DACH2: variants seen among roughly 807,000 people sequenced by gnomAD.
DACH2 encodes dachshund family transcription factor 2.
In DACH2, 17 loss-of-function variants were observed where a neutral mutation model predicts 35.8. The ratio of observed to expected loss-of-function variants is 0.48; its 90% CI spans 0.33 to 0.71. The LOEUF is 0.71. Ranked by LOEUF, DACH2 falls within the 30% of genes least tolerant of loss-of-function variation. The pLI is 0.02. For synonymous variants in DACH2, 195 were observed against 177.3 expected (o/e 1.10, Z -0.79); for missense variants, 469 against 472.7 (o/e 0.99, Z 0.07).
At chrX:86,466,303 A>G (rs772220521) in intron 2 of DACH2, among the ~76,000 whole-genome samples, 180 of 111,344 alleles carry the variant, frequency 1.6e-3, no homozygotes, top group Non-Finnish European at 2.8e-3. Context: ...CCCTCCCACA[A>G]CATGCAGGAA....
At chrX:86,311,818 T>G (rs2034806012) in intron 1 of DACH2, among the ~76,000 whole-genome samples, 1 of 111,356 alleles carries the variant, frequency 9.0e-6, no homozygotes, top group Non-Finnish European at 1.9e-5. Flanking sequence ...CTGGGGTGAT[T>G]GATGCAGACT....
At position 86,617,494 on chromosome X, in the gene DACH2, C is replaced by A. The variant is rs7881923; in HGVS notation, c.641-33542C>A. 3.5e-3 allele frequency among the ~76,000 whole-genome samples: 390 copies of A among 111,247 alleles called. 2 individuals are homozygous for A. Among genetic ancestry groups the A allele is most frequent in the African/African-American group, 0.012 (373 of 30,691 alleles). ...TTCTCATCGTTGAACTTTCTCCTCT[C>A]TGTTCAGCTGTATTCCTAGGTATTT... On this transcript the variant is annotated intron_variant, in intron 3 of 11. Transcript: ENST00000373125.
intron 1 of DACH2, among the ~76,000 whole-genome samples, chrX:86,333,937 T>TGA (rs1323238305): frequency 4.5e-5 from 5 of 111,171 alleles, no homozygotes. Context: ...CCCCAGTGTG[T>TGA]GAGGTTCCCC....
chrX:86,178,554 A>C (rs1168566307), intron 1 of DACH2, among the ~76,000 whole-genome samples: 1 of 111,029 alleles, frequency 9.0e-6, no homozygotes, highest in East Asian at 2.8e-4. Context: ...TATTTTAAGA[A>C]AATCTATTGC....
Position 86,832,290 on chromosome X carries a change from T to C in DACH2, c.*135T>C. 1.9e-6 allele frequency: 1 copy of C among 520,542 alleles called. No homozygotes were observed. Among genetic ancestry groups the C allele is most frequent in the Non-Finnish European group, 3.2e-6 (1 of 317,203 alleles). The allele number at this position is 520,542 out of a possible 1,213,427, so 42.9% of individuals were successfully genotyped here. On this transcript the variant is annotated 3_prime_UTR_variant, in exon 12 of 12. Coordinates refer to ENST00000373125, the MANE Select transcript of DACH2 (RefSeq NM_053281.3). ...ACTGAAGGAGCTATTTAATCTATGT[T>C]ACATTAAAAAAGAAACGCGTGTACA... is the stretch of plus-strand genomic sequence containing the variant.
intron 1 of DACH2, among the ~76,000 whole-genome samples, chrX:86,282,469 G>A (rs191088060): frequency 4.5e-5 from 5 of 111,353 alleles, no homozygotes; most frequent in African/African-American, 1.3e-4. Flanking sequence ...AAGGAAACTG[G>A]TCCCCTTCCT....
chrX:86,546,321 T>TTCTTCTTCTTCTTCTTCC, intron 3 of DACH2, among the ~76,000 whole-genome samples: 2 of 77,821 alleles, frequency 2.6e-5, no homozygotes, highest in South Asian at 1.4e-3. Flanking sequence ...TCCTACCTCT[T>TTCTTCTTCTTCTTCTTCC]TCTTCTTCTT....
At chrX:86,604,170 T>A (rs2148361290) in intron 3 of DACH2, among the ~76,000 whole-genome samples, 1 of 111,503 alleles carries the variant, frequency 9.0e-6, no homozygotes, top group Non-Finnish European at 1.9e-5. Flanking sequence ...TGTTGTTTAG[T>A]AATTTTGTAT....
chrX:86,513,107 A>G (rs901914710), intron 2 of DACH2, among the ~76,000 whole-genome samples: 1 of 112,084 alleles, frequency 8.9e-6, no homozygotes, highest in Non-Finnish European at 1.9e-5. Context: ...TTCATTTAAA[A>G]GCAGAGTTTG....
intron 2 of DACH2, among the ~76,000 whole-genome samples, chrX:86,405,772 C>A (rs775613927): frequency 6.3e-5 from 7 of 111,738 alleles, no homozygotes; most frequent in Non-Finnish European, 9.4e-5. Flanking sequence ...CCTCACACTG[C>A]TATAAGTACA....
intron 2 of DACH2, among the ~76,000 whole-genome samples, chrX:86,508,334 G>A (rs778861960): frequency 4.5e-5 from 5 of 110,602 alleles, no homozygotes; most frequent in East Asian, 2.9e-4. Context: ...CGAGGCGGGC[G>A]GATCACTTGA....
intron 1 of DACH2, among the ~76,000 whole-genome samples, chrX:86,333,676 A>G (rs1342709593): frequency 8.9e-6 from 1 of 112,117 alleles, no homozygotes; most frequent in Non-Finnish European, 1.9e-5. Flanking sequence ...GTAATGAGAT[A>G]GGAGAATTTG....
intron 2 of DACH2, among the ~76,000 whole-genome samples, chrX:86,393,541 A>C (rs1194874831): frequency 8.9e-6 from 1 of 112,393 alleles, no homozygotes; most frequent in Non-Finnish European, 1.9e-5. Context: ...CTTTGAGAGA[A>C]ACTGCAAAGG....
intron 3 of DACH2, among the ~76,000 whole-genome samples, chrX:86,550,527 C>T (rs2148310944): frequency 9.1e-6 from 1 of 110,379 alleles, no homozygotes; most frequent in East Asian, 2.9e-4. Context: ...ACAAGGCCAC[C>T]AAAAGTCCTT....
intron 3 of DACH2, among the ~76,000 whole-genome samples, chrX:86,637,487 T>C (rs144375009): frequency 7.2e-5 from 8 of 111,075 alleles, no homozygotes; most frequent in Non-Finnish European, 1.3e-4. Context: ...ATTCCCACCA[T>C]TGGTAGACTG....
intron 1 of DACH2, among the ~76,000 whole-genome samples, chrX:86,268,769 A>G (rs1276500880): frequency 9.1e-6 from 1 of 110,369 alleles, no homozygotes; most frequent in Non-Finnish European, 1.9e-5. Flanking sequence ...CCTGACCTCA[A>G]GCGATCTGCT....
chrX:86,497,929 G>T (rs1311636587), intron 2 of DACH2, among the ~76,000 whole-genome samples: 2 of 111,483 alleles, frequency 1.8e-5, no homozygotes, highest in African/African-American at 6.5e-5. Flanking sequence ...AGGAGGTAGG[G>T]GTTGCAGAGA....
At chrX:86,609,297 A>C (rs2039898766) in intron 3 of DACH2, among the ~76,000 whole-genome samples, 1 of 111,090 alleles carries the variant, frequency 9.0e-6, no homozygotes, top group South Asian at 3.7e-4. Flanking sequence ...GCATTTTTCC[A>C]CTCCAGAATT....
At chrX:86,383,689 G>T (rs2036081448) in intron 2 of DACH2, among the ~76,000 whole-genome samples, 1 of 105,396 alleles carries the variant, frequency 9.5e-6, no homozygotes, top group Non-Finnish European at 2.0e-5. Context: ...CTGTTTCTTT[G>T]GGATTACCTA....
Sources: allele counts gnomAD v4.1 joint callset (sites outside exome capture counted in the v4.1 genomes callset), GRCh38; gene constraint gnomAD v4.1.1; transcripts MANE v1.5; gene names NCBI Gene and HGNC (gene_info 2026-07-23, HGNC 2026-07-21).